HNRNPR: variants seen among roughly 807,000 people sequenced by gnomAD.
HNRNPR encodes the protein heterogeneous nuclear ribonucleoprotein R.
In HNRNPR, 4 loss-of-function variants were observed where a neutral mutation model predicts 70.3. That is an observed-to-expected ratio of 0.06 (90% CI 0.03 to 0.13). HNRNPR has a LOEUF of 0.13. HNRNPR is among the 10% of genes least tolerant of loss of function. HNRNPR has a pLI of 1.00. For missense variants in HNRNPR, 423 were observed against 788.5 expected (o/e 0.54, Z 5.55); for synonymous variants, 241 against 267.6 (o/e 0.90, Z 0.97).
At chr1:23,324,906 T>C (rs1391053961) in intron 5 of HNRNPR, among the ~76,000 whole-genome samples, 1 of 152,060 alleles carries the variant, frequency 6.6e-6, no homozygotes, top group Non-Finnish European at 1.5e-5. Context: ...TTTGGGAGGC[T>C]GAGGCGGGCG....
At position 23,310,959 on chromosome 1, in the gene HNRNPR, C is replaced by G; in HGVS notation, c.1397G>C (p.Gly466Ala). Residue 466 changes from glycine to alanine, a missense_variant, in exon 11 of 11, where the codon GGC (glycine) becomes GCC (alanine). Physicochemically the swap from Gly to Ala is moderately conservative, Grantham distance 60. Coordinates refer to ENST00000302271, the MANE Select transcript of HNRNPR (RefSeq NM_005826.5). The surrounding 1 kb of genome is among the most constrained non-coding windows in gnomAD (Gnocchi z 6.0). ...GGYGYPPDYY[G>A]YEDYYDDYYG... ...GTAATCATCATAGTAATCTTCATAG[C>G]CGTAGTAATCTGGAGGGTAGCCATA... 2 of 1,614,130 alleles carry G rather than the reference C, an allele frequency of 1.2e-6. No individual in the cohort carries two copies. Among genetic ancestry groups the G allele is most frequent in the Non-Finnish European group, 1.7e-6 (2 of 1,180,016 alleles).
chr1:23,310,810 TTGG>T lies in HNRNPR; in HGVS notation c.1543_1545del (p.Pro515del), dbSNP rs1328132943. ...CTTGGAGGTGGTGCTCCCCTCCCCC[TTGG>T]TGGTGGTGGAGCACCTCGCCCTCCC... On this transcript the variant is annotated inframe_deletion, in exon 11 of 11. Transcript: ENST00000302271. The surrounding 1 kb of genome is among the most constrained non-coding windows in gnomAD (Gnocchi z 6.0). 6 of 1,613,734 alleles carry T rather than the reference TTGG, an allele frequency of 3.7e-6. No homozygotes were observed. Among genetic ancestry groups the T allele is most frequent in the Non-Finnish European group, 4.2e-6 (5 of 1,179,934 alleles).
intron 4 of HNRNPR, among the ~76,000 whole-genome samples, chr1:23,335,596 A>C (rs1221608552): frequency 6.6e-6 from 1 of 152,078 alleles, no homozygotes; most frequent in Non-Finnish European, 1.5e-5. Flanking sequence ...TCCTATTGTG[A>C]AGTGTGCATA....
chr1:23,340,893 G>A lies in HNRNPR; in HGVS notation c.116C>T (p.Pro39Leu), dbSNP rs1322415322. ...ATCAAGTCTTTCTGCCACCTTCTGT[G>A]GGAGGCCTGCCTCTATCAGTGTCTT... is the stretch of plus-strand genomic sequence containing the variant. ...HYKTLIEAGLPQKVAERLDEI... is the reference protein window; with the variant it reads ...HYKTLIEAGLLQKVAERLDEI... The change falls in exon 2 of 11, where the codon CCA becomes CTA. Residue 39 changes from proline (P) to leucine (L), a missense_variant. By Grantham distance (98) the Pro-to-Leu change is moderately conservative. Around this residue, in one of 7 missense-constraint regions of HNRNPR, gnomAD observed 44 missense variants for 89.0 expected, o/e 0.49. Transcript: ENST00000302271. The A allele has an allele frequency of 1.9e-6, 3 of 1,612,152 alleles. 1 individual carries two copies. Among genetic ancestry groups the A allele is most frequent in the African/African-American group, 2.7e-5 (2 of 74,830 alleles).
intron 4 of HNRNPR, 84 bp from the exon 5 acceptor site, chr1:23,333,715 C>G (rs1033179153): frequency 2.8e-6 from 2 of 717,188 alleles, no homozygotes; most frequent in Non-Finnish European, 4.8e-6. Context: ...CCAAAAAGGA[C>G]TCCAACTTCC....
chr1:23,337,045 A>G (rs1366948182), intron 4 of HNRNPR, among the ~76,000 whole-genome samples: 1 of 152,240 alleles, frequency 6.6e-6, no homozygotes, highest in African/African-American at 2.4e-5. Context: ...CATTTTATAA[A>G]TAAAGAAACT....
intron 2 of HNRNPR, among the ~76,000 whole-genome samples, chr1:23,339,603 C>A (rs1646635126): frequency 6.6e-6 from 1 of 152,074 alleles, no homozygotes; most frequent in African/African-American, 2.4e-5. Flanking sequence ...AAAAGTGACT[C>A]CATTTTGATA....
In HNRNPR at chr1:23,333,629, G is replaced by T. The variant is rs767869850; in HGVS notation, c.387C>A (p.Ala129=). The T allele has an allele frequency of 1.3e-6, 2 of 1,559,758 alleles. No homozygotes were observed. Among genetic ancestry groups the T allele is most frequent in the Non-Finnish European group, 1.8e-6 (2 of 1,130,520 alleles). The change falls in exon 5 of 11, where the codon GCC becomes GCA. Residue 129 remains alanine, a splice_region_variant and synonymous_variant. Transcript: ENST00000302271. The part of the protein sequence containing the change: ...TKGPDEAKIK[A]LLERTGYTLD... ...GAGTATAACCAGTTCTCTCAAGCAA[G>T]GCCTAGAGATAATTATACATCTCTT... is the stretch of plus-strand genomic sequence containing the variant.
In HNRNPR at chr1:23,317,587, T is replaced by C. The variant is rs1311482113; in HGVS notation, c.1017+896A>G. 2.0e-5 allele frequency among the ~76,000 whole-genome samples: 3 copies of C among 152,296 alleles called. No homozygotes were observed. In the East Asian group the frequency reaches 5.8e-4, roughly 29 times the overall value. ...GGAATCAGGAGGGAATTGAGGGCCC[T>C]TTACAGGACTTGCCATGCATATTTT... On this transcript the variant is annotated intron_variant, in intron 8 of 10. Transcript: ENST00000302271.
rs774906087 is a variant in HNRNPR, at chr1:23,318,452, C to T, written c.1017+31G>A. The T allele has an allele frequency of 2.0e-6, 3 of 1,533,062 alleles. No homozygotes were observed. Among genetic ancestry groups the T allele is most frequent in the South Asian group, 2.2e-5 (2 of 89,542 alleles). 95.0% of individuals were successfully genotyped at this position (1,533,062 alleles called of 1,614,324 possible). ...TCTGAGTACAAAATTTAAATGATGA[C>T]CCTATGCCCATTCCAAGCAACTGTA... On this transcript the variant is annotated intron_variant, in intron 8 of 10. Coordinates refer to ENST00000302271, the MANE Select transcript of HNRNPR (RefSeq NM_005826.5). This position sits in a 1 kb window ranked among gnomAD's most constrained non-coding sequence, Gnocchi z 4.2.
chr1:23,344,018 G>A (rs925923189), intron 1 of HNRNPR, among the ~76,000 whole-genome samples, 193 bp downstream of exon 1: 1 of 152,144 alleles, frequency 6.6e-6, no homozygotes, highest in Non-Finnish European at 1.5e-5. Flanking sequence ...AAGAGCGAGG[G>A]CGAGAAGCGT....
chr1:23,325,781 T>C (rs978907691), intron 5 of HNRNPR, among the ~76,000 whole-genome samples: 1 of 152,182 alleles, frequency 6.6e-6, no homozygotes, highest in Non-Finnish European at 1.5e-5. Flanking sequence ...CTCCTTCCTG[T>C]CTCCAAACAA....
At chr1:23,311,164 C>T in intron 10 of HNRNPR, 37 bp downstream of exon 10, 1 of 1,612,156 alleles carries the variant, frequency 6.2e-7, no homozygotes, top group Non-Finnish European at 8.5e-7. Flanking sequence ...CACGTTATTC[C>T]TTGTCCAAAG....
chr1:23,314,945 T>C (rs573887656), intron 8 of HNRNPR, among the ~76,000 whole-genome samples: 1 of 152,174 alleles, frequency 6.6e-6, no homozygotes, highest in South Asian at 2.1e-4. Flanking sequence ...TTAAATACAC[T>C]ATAGTACCTC....
intron 4 of HNRNPR, among the ~76,000 whole-genome samples, chr1:23,334,760 A>T (rs547905743): frequency 2.6e-5 from 4 of 152,244 alleles, no homozygotes; most frequent in Non-Finnish European, 4.4e-5. Flanking sequence ...TCTATTAGGT[A>T]TTAAGAGCAA....
intron 1 of HNRNPR, among the ~76,000 whole-genome samples, chr1:23,343,180 C>T (rs1182615718): frequency 6.6e-6 from 1 of 151,964 alleles, no homozygotes; most frequent in Non-Finnish European, 1.5e-5. Context: ...GTCATTTGAT[C>T]TAAACATTTT....
intron 4 of HNRNPR, among the ~76,000 whole-genome samples, chr1:23,334,146 T>G (rs1019370648): frequency 6.6e-6 from 1 of 152,024 alleles, no homozygotes; most frequent in Admixed American, 6.6e-5. Flanking sequence ...ACTCCTGGCC[T>G]CATGAGATCC....
chr1:23,338,744 C>T (rs775998928), intron 2 of HNRNPR, 136 bp from the exon 3 acceptor site: 11 of 461,938 alleles, frequency 2.4e-5, no homozygotes, highest in South Asian at 8.7e-5. Context: ...TATGCATATA[C>T]GCAGCTATCC....
At chr1:23,320,871 A>T (rs907739865) in intron 7 of HNRNPR, among the ~76,000 whole-genome samples, 9 of 152,208 alleles carry the variant, frequency 5.9e-5, no homozygotes, top group South Asian at 2.1e-4. Context: ...TTGGATATTT[A>T]AAAAAATCTG....
Sources: gnomAD v4.1 joint callset for allele counts (sites outside exome capture counted in the v4.1 genomes callset) on GRCh38, gnomAD v4.1.1 for gene constraint, gnomAD v4.1.1 regional missense constraint, Gnocchi (gnomAD v3.1) non-coding constraint, MANE v1.5 for transcripts, NCBI Gene and HGNC (gene_info 2026-07-23, HGNC 2026-07-21) for gene names.